MRPL48: variants seen among roughly 807,000 people sequenced by gnomAD.
The protein encoded by MRPL48 is large ribosomal subunit protein mL48.
MRPL48 carries 16 observed loss-of-function variants against 32.9 expected under a neutral mutation model. The observed-to-expected ratio is 0.49, with a 90% CI of 0.33 to 0.74. The LOEUF (loss-of-function observed/expected upper bound fraction) is 0.74. Ranked by LOEUF, MRPL48 falls within the 30% of genes least tolerant of loss-of-function variation. The pLI, the probability that MRPL48 is intolerant of heterozygous loss-of-function variation, is 0.02. For synonymous variants in MRPL48, 94 were observed against 89.2 expected, an observed-to-expected ratio of 1.05 and a Z score of -0.31; for missense variants, 206 against 245.3, an observed-to-expected ratio of 0.84 and a Z score of 1.07.
intron 5 of MRPL48, among the ~76,000 whole-genome samples, chr11:73,847,303 T>C (rs1948309975): frequency 1.3e-5 from 2 of 152,328 alleles, no homozygotes; most frequent in African/African-American, 4.8e-5. Flanking sequence ...AATAATGATA[T>C]TGAGCATCTT....
intron 1 of MRPL48, among the ~76,000 whole-genome samples, chr11:73,798,229 C>A (rs12285303): frequency 6.6e-6 from 1 of 151,726 alleles, no homozygotes. Context: ...AGGCGCCCAC[C>A]ACTGTGCCTG....
At position 73,863,367 on chromosome 11, in the gene MRPL48, A is replaced by G. The variant is rs1948617241; in HGVS notation, c.564+106A>G. ...TTAGAAAGAACAGAGAAATGTGGAT[A>G]ATGTGACCTAAATAATAATCAGAAA... On this transcript the variant is annotated intron_variant, in intron 7 of 7. Transcript: ENST00000310614. 3 of 926,466 alleles carry G rather than the reference A, an allele frequency of 3.2e-6. 1 individual carries two copies. The highest frequency in any genetic ancestry group is 3.3e-5 in the South Asian group (2 of 61,158). The allele number at this position is 926,466 out of a possible 1,614,324, so 57.4% of individuals were successfully genotyped here.
intron 1 of MRPL48, among the ~76,000 whole-genome samples, chr11:73,791,122 G>C (rs1947144461): frequency 6.6e-6 from 1 of 151,652 alleles, no homozygotes; most frequent in Non-Finnish European, 1.5e-5. Context: ...CTGGGCTCAA[G>C]CAATCTGCCG....
chr11:73,821,358 C>T lies in MRPL48; in HGVS notation c.113-4350C>T, dbSNP rs182171216. Among the ~76,000 whole-genome samples the T allele has an allele frequency of 1.8e-4, 27 of 152,246 alleles. No homozygotes were observed. In the South Asian group the frequency reaches 2.1e-3, roughly 12 times the overall value. On this transcript the variant is annotated intron_variant, in intron 3 of 7. Transcript: ENST00000310614. ...CTAATGATTCTGTCCTCCCACTAGA[C>T]TATAATCTCCATAAGCAGAGTTTTG...
At chr11:73,831,158 A>T (rs1947986375) in intron 4 of MRPL48, among the ~76,000 whole-genome samples, 1 of 152,002 alleles carries the variant, frequency 6.6e-6, no homozygotes, top group Admixed American at 6.6e-5. Flanking sequence ...TCTTTTTCTT[A>T]CATGGCCCGG....
chr11:73,803,519 C>G (rs183775762), intron 1 of MRPL48, among the ~76,000 whole-genome samples: 12 of 151,972 alleles, frequency 7.9e-5, no homozygotes, highest in African/African-American at 2.9e-4. Context: ...TACTTTTTCT[C>G]TAGTGTCCTT....
chr11:73,840,071 C>T (rs764391816), intron 4 of MRPL48, among the ~76,000 whole-genome samples: 1 of 150,558 alleles, frequency 6.6e-6, no homozygotes, highest in Non-Finnish European at 1.5e-5. Flanking sequence ...GCACTCCAAC[C>T]TGGGCAATAT....
At chr11:73,799,129 G>A (rs912746463) in intron 1 of MRPL48, among the ~76,000 whole-genome samples, 1 of 152,084 alleles carries the variant, frequency 6.6e-6, no homozygotes, top group Admixed American at 6.6e-5. Context: ...CCTAAGATGA[G>A]AGTAAACTCC....
intron 3 of MRPL48, among the ~76,000 whole-genome samples, chr11:73,813,940 C>T (rs1464316526): frequency 2.7e-5 from 4 of 149,832 alleles, no homozygotes; most frequent in East Asian, 2.0e-4. Context: ...ACTCCAGAGG[C>T]GGAGGCAGGG....
At chr11:73,827,208 A>G (rs1947914182) in intron 4 of MRPL48, among the ~76,000 whole-genome samples, 2 of 151,100 alleles carry the variant, frequency 1.3e-5, no homozygotes, top group African/African-American at 2.4e-5. Flanking sequence ...CATGGCAGGA[A>G]CCCCGTCTCT....
Position 73,825,720 on chromosome 11 carries a change from T to C in MRPL48, c.125T>C (p.Leu42Pro). The change falls in exon 4 of 8, where the codon CTA becomes CCA. Residue 42 changes from leucine (L) to proline (P), a missense_variant. Coordinates refer to ENST00000310614, the MANE Select transcript of MRPL48 (RefSeq NM_016055.6). ...KPIYSVGGILLSISRPYKTKP... is the reference protein window; with the variant it reads ...KPIYSVGGILPSISRPYKTKP... The stretch of plus-strand genomic sequence containing the variant: ...TTCTCTCTTTTAGGTGGAATTCTAC[T>C]AAGTATCAGTCGGCCCTACAAGACA... 6.4e-7 allele frequency: 1 copy of C among 1,562,432 alleles called. No homozygotes were observed. Among genetic ancestry groups the C allele is most frequent in the Non-Finnish European group, 8.7e-7 (1 of 1,153,176 alleles).
chr11:73,809,764 G>A (rs933044324), intron 3 of MRPL48, among the ~76,000 whole-genome samples: 2 of 152,124 alleles, frequency 1.3e-5, no homozygotes, highest in African/African-American at 4.8e-5. Context: ...TTTTAATGAC[G>A]TTTGTCATGT....
At chr11:73,794,233 C>G (rs1033091859) in intron 1 of MRPL48, among the ~76,000 whole-genome samples, 5 of 114,872 alleles carry the variant, frequency 4.4e-5, no homozygotes, top group Non-Finnish European at 2.0e-5. Context: ...TCTATCTAAA[C>G]TATCTGTCTC....
intron 3 of MRPL48, among the ~76,000 whole-genome samples, chr11:73,813,968 G>A (rs1459884170): frequency 2.7e-5 from 4 of 150,684 alleles, no homozygotes; most frequent in Non-Finnish European, 4.4e-5. Context: ...GTGAACCCGG[G>A]AGGCAGAGCT....
In MRPL48 at chr11:73,848,291, T is replaced by G. The variant is rs187881547; in HGVS notation, c.371+3315T>G. ...TTTGACAGCCAGTTGACCATGTATA[T>G]GTGGGTCTATTTCTCTGCTCTATTC... On this transcript the variant is annotated intron_variant, in intron 5 of 7. Transcript: ENST00000310614. 6.6e-5 allele frequency among the ~76,000 whole-genome samples: 10 copies of G among 152,276 alleles called. No individual in the cohort carries two copies. In the East Asian group the frequency reaches 1.9e-3, roughly 29 times the overall value.
intron 1 of MRPL48, among the ~76,000 whole-genome samples, chr11:73,796,714 C>T (rs916220355): frequency 2.0e-5 from 3 of 152,216 alleles, no homozygotes; most frequent in Non-Finnish European, 4.4e-5. Context: ...CTTTTCCAGG[C>T]CTGCCCATGG....
intron 3 of MRPL48, among the ~76,000 whole-genome samples, chr11:73,824,539 C>T (rs904895493): frequency 1.2e-4 from 18 of 151,360 alleles, no homozygotes; most frequent in African/African-American, 3.2e-4. Context: ...GAGCTGAGAT[C>T]GCACCACTGC....
At chr11:73,832,127 G>A (rs1320145695) in intron 4 of MRPL48, among the ~76,000 whole-genome samples, 1 of 152,042 alleles carries the variant, frequency 6.6e-6, no homozygotes, top group East Asian at 1.9e-4. Context: ...TGAAATGGAG[G>A]CAACATGAAT....
chr11:73,807,160 G>A (rs911470527), intron 2 of MRPL48, among the ~76,000 whole-genome samples: 30 of 152,028 alleles, frequency 2.0e-4, no homozygotes, highest in Non-Finnish European at 8.8e-5. Context: ...ATGAGCCACC[G>A]TGCCCAGGCT....
Sources: allele counts gnomAD v4.1 joint callset (sites outside exome capture counted in the v4.1 genomes callset), GRCh38; gene constraint gnomAD v4.1.1; transcripts MANE v1.5; gene names NCBI Gene and HGNC (gene_info 2026-07-23, HGNC 2026-07-21).